ANKIB1: variants seen among roughly 807,000 people sequenced by gnomAD.
The protein encoded by ANKIB1 is ankyrin repeat and IBR domain-containing protein 1.
ANKIB1 carries 43 observed loss-of-function variants against 122.1 expected under a neutral mutation model. The observed-to-expected ratio is 0.35, with a 90% CI of 0.28 to 0.45. ANKIB1 has a LOEUF of 0.45. ANKIB1 is among the 20% of genes least tolerant of loss of function. ANKIB1 has a pLI of 1.00. For missense variants in ANKIB1, 992 were observed against 1,329.5 expected (o/e 0.75, Z 3.95); for synonymous variants, 390 against 442.0 (o/e 0.88, Z 1.48).
chr7:92,346,037 C>T (rs1339750641), intron 7 of ANKIB1, among the ~76,000 whole-genome samples: 2 of 152,070 alleles, frequency 1.3e-5, no homozygotes, highest in South Asian at 2.1e-4. Flanking sequence ...CCCAGGTTTC[C>T]TCATTTCCCA....
chr7:92,382,147 A>T (rs890845412), intron 11 of ANKIB1, among the ~76,000 whole-genome samples: 1 of 152,092 alleles, frequency 6.6e-6, no homozygotes. Context: ...AGACAAGGCC[A>T]TTACATAATG....
intron 1 of ANKIB1, among the ~76,000 whole-genome samples, chr7:92,268,317 AC>A (rs1174927742): frequency 6.6e-6 from 1 of 152,208 alleles, no homozygotes; most frequent in African/African-American, 2.4e-5. Flanking sequence ...AAGTGATGGA[AC>A]CGCTGTCAGG....
At chr7:92,359,168 C>G (rs1421625643) in intron 9 of ANKIB1, among the ~76,000 whole-genome samples, 1 of 152,086 alleles carries the variant, frequency 6.6e-6, no homozygotes, top group Non-Finnish European at 1.5e-5. Flanking sequence ...GTTTGCTGCA[C>G]CTATCAACCT....
intron 11 of ANKIB1, among the ~76,000 whole-genome samples, chr7:92,374,809 AAT>A (rs751267393): frequency 6.6e-6 from 1 of 152,156 alleles, no homozygotes; most frequent in Non-Finnish European, 1.5e-5. Flanking sequence ...AAACGCGACT[AAT>A]AAATAAATCC....
chr7:92,359,344 A>G (rs747123830), intron 9 of ANKIB1, among the ~76,000 whole-genome samples: 1 of 152,138 alleles, frequency 6.6e-6, no homozygotes, highest in Non-Finnish European at 1.5e-5. Context: ...TTCTTGTGAT[A>G]GTTTGCTGAG....
chr7:92,381,619 G>C (rs1000783421), intron 11 of ANKIB1, among the ~76,000 whole-genome samples: 1 of 152,150 alleles, frequency 6.6e-6, no homozygotes, highest in Non-Finnish European at 1.5e-5. Flanking sequence ...TTTCAACCCA[G>C]AATTTCATAT....
At chr7:92,281,365 C>T (rs771611700) in intron 1 of ANKIB1, among the ~76,000 whole-genome samples, 2 of 152,148 alleles carry the variant, frequency 1.3e-5, no homozygotes, top group Non-Finnish European at 2.9e-5. Context: ...TTGAAGGACT[C>T]CTATCAGTTA....
chr7:92,262,203 T>C (rs1194818629), intron 1 of ANKIB1, among the ~76,000 whole-genome samples: 1 of 152,208 alleles, frequency 6.6e-6, no homozygotes, highest in Non-Finnish European at 1.5e-5. Flanking sequence ...TTATATTTTG[T>C]TGCTATGGCA....
At chr7:92,323,522 CAT>C (rs1278762109) in intron 4 of ANKIB1, among the ~76,000 whole-genome samples, 1 of 152,114 alleles carries the variant, frequency 6.6e-6, no homozygotes, top group Non-Finnish European at 1.5e-5. Flanking sequence ...ACTATGATCA[CAT>C]GTCCCTGTAT....
intron 11 of ANKIB1, among the ~76,000 whole-genome samples, chr7:92,375,654 C>T (rs1804362592): frequency 6.6e-6 from 1 of 152,188 alleles, no homozygotes; most frequent in South Asian, 2.1e-4. Flanking sequence ...TCAAAGTCAT[C>T]CATGAGGATA....
At chr7:92,311,637 C>T (rs1288732069) in intron 3 of ANKIB1, among the ~76,000 whole-genome samples, 5 of 151,984 alleles carry the variant, frequency 3.3e-5, no homozygotes, top group Admixed American at 3.3e-4. Flanking sequence ...TCTTATAGCT[C>T]ATTATTTTGT....
At chr7:92,264,593 G>A (rs973569323) in intron 1 of ANKIB1, among the ~76,000 whole-genome samples, 2 of 151,530 alleles carry the variant, frequency 1.3e-5, no homozygotes, top group Non-Finnish European at 2.9e-5. Context: ...TGTATTTTTA[G>A]TAAAGACAGG....
In ANKIB1 at chr7:92,400,598, C is replaced by G. The variant is rs557330703; in HGVS notation, c.*1649C>G. 3.6e-4 allele frequency: 55 copies of G among 150,880 alleles called. No individual in the cohort carries two copies. The highest frequency in any genetic ancestry group is 1.0e-3 in the African/African-American group (41 of 41,144). 9.3% of individuals were successfully genotyped at this position (150,880 alleles called of 1,614,324 possible). On this transcript the variant is annotated 3_prime_UTR_variant, in exon 20 of 20. Transcript: ENST00000265742. ...GGGTTTTGATTACTTTTTTTTTTTCCAAACCCTGCTTTTGAAATATCCTTG... is the reference window on the plus strand; with the variant it reads ...GGGTTTTGATTACTTTTTTTTTTTCGAAACCCTGCTTTTGAAATATCCTTG...
intron 2 of ANKIB1, among the ~76,000 whole-genome samples, chr7:92,306,268 A>G (rs997555261): frequency 6.6e-6 from 1 of 152,100 alleles, no homozygotes; most frequent in Non-Finnish European, 1.5e-5. Context: ...GCAGCACTGC[A>G]TTCCTTTTGG....
chr7:92,323,264 T>C (rs1380081372), intron 4 of ANKIB1, among the ~76,000 whole-genome samples: 1 of 152,200 alleles, frequency 6.6e-6, no homozygotes, highest in Non-Finnish European at 1.5e-5. Context: ...TTCTCCACAT[T>C]CTTGCTAGCA....
At chr7:92,338,414 G>A (rs1376472356) in intron 5 of ANKIB1, among the ~76,000 whole-genome samples, 1 of 134,382 alleles carries the variant, frequency 7.4e-6, no homozygotes, top group Non-Finnish European at 1.7e-5. Flanking sequence ...GCTAGACTTT[G>A]CCTCAAAAAA....
At position 92,382,195 on chromosome 7, in the gene ANKIB1, T is replaced by A. The variant is rs1243842850; in HGVS notation, c.1618-4314T>A. On this transcript the variant is annotated intron_variant, in intron 11 of 19. Transcript: ENST00000265742. ...ATTCAACAAGAAGAGCTAACTATCC[T>A]AAATATATATGCACCCAATACAGGA... 2.0e-5 allele frequency among the ~76,000 whole-genome samples: 3 copies of A among 152,306 alleles called. No homozygotes were observed. The East Asian group carries it at 5.8e-4, about 29-fold the overall frequency.
chr7:92,254,907 G>C (rs1801403247), intron 1 of ANKIB1, among the ~76,000 whole-genome samples: 1 of 152,156 alleles, frequency 6.6e-6, no homozygotes, highest in Non-Finnish European at 1.5e-5. Flanking sequence ...CCCAGTGGGA[G>C]GTAATTGAAT....
chr7:92,304,817 G>A (rs1802525520), intron 2 of ANKIB1, among the ~76,000 whole-genome samples: 1 of 151,848 alleles, frequency 6.6e-6, no homozygotes, highest in African/African-American at 2.4e-5. Context: ...GTTGAATAGG[G>A]AAAATATATA....
Sources: allele counts gnomAD v4.1 joint callset (sites outside exome capture counted in the v4.1 genomes callset), GRCh38; gene constraint gnomAD v4.1.1; transcripts MANE v1.5; gene names NCBI Gene and HGNC (gene_info 2026-07-23, HGNC 2026-07-21).